PDZRN3: variants seen among roughly 807,000 people sequenced by gnomAD.
PDZRN3 encodes the protein E3 ubiquitin-protein ligase PDZRN3.
PDZRN3 carries 38 observed loss-of-function variants against 85.7 expected under a neutral mutation model. That is an observed-to-expected ratio of 0.44 (90% CI 0.34 to 0.58). The LOEUF is 0.58. Ranked by LOEUF, PDZRN3 falls within the 20% of genes least tolerant of loss-of-function variation. The pLI is 0.01. For synonymous variants in PDZRN3, 759 were observed against 638.0 expected (o/e 1.19, Z -2.86); for missense variants, 1,629 against 1,506.4 (o/e 1.08, Z -1.35).
At chr3:73,492,178 C>T (rs1171335519) in intron 3 of PDZRN3, among the ~76,000 whole-genome samples, 1 of 152,224 alleles carries the variant, frequency 6.6e-6, no homozygotes, top group East Asian at 1.9e-4. Flanking sequence ...CAAGGGGCCT[C>T]TGAAATTTCT....
chr3:73,536,589 G>T (rs1270646359), intron 3 of PDZRN3, among the ~76,000 whole-genome samples: 1 of 152,210 alleles, frequency 6.6e-6, no homozygotes, highest in Admixed American at 6.5e-5. Context: ...CTAATCTGGA[G>T]CATTGAGAAC....
intron 3 of PDZRN3, among the ~76,000 whole-genome samples, chr3:73,581,392 G>C (rs915769040): frequency 1.3e-5 from 2 of 152,130 alleles, no homozygotes; most frequent in Non-Finnish European, 2.9e-5. Context: ...GTGTGGGTGT[G>C]AACGCATGAT....
chr3:73,408,975 A>G (rs1302222789), intron 3 of PDZRN3, among the ~76,000 whole-genome samples: 1 of 152,218 alleles, frequency 6.6e-6, no homozygotes, highest in Non-Finnish European at 1.5e-5. Flanking sequence ...ATTCAATATC[A>G]TTAACTTGCC....
At chr3:73,548,255 C>A (rs962555228) in intron 3 of PDZRN3, among the ~76,000 whole-genome samples, 5 of 152,164 alleles carry the variant, frequency 3.3e-5, no homozygotes, top group African/African-American at 9.7e-5. Context: ...GGGTCTGTGG[C>A]TTTCTCTGAT....
intron 3 of PDZRN3, among the ~76,000 whole-genome samples, chr3:73,552,401 CTG>C (rs1176992340): frequency 6.6e-6 from 1 of 152,160 alleles, no homozygotes; most frequent in Non-Finnish European, 1.5e-5. Context: ...TGGATAATAA[CTG>C]GACTAAGCAG....
chr3:73,389,727 T>C (rs2106688152), intron 7 of PDZRN3, 89 bp downstream of exon 7: 3 of 946,132 alleles, frequency 3.2e-6, no homozygotes, highest in Non-Finnish European at 3.5e-6. Context: ...TAACCGCTTC[T>C]GCATTTTCAA....
At chr3:73,572,180 C>A (rs1200853478) in intron 3 of PDZRN3, among the ~76,000 whole-genome samples, 1 of 152,136 alleles carries the variant, frequency 6.6e-6, no homozygotes, top group African/African-American at 2.4e-5. Flanking sequence ...TAAAAATAAA[C>A]CATTAAATCC....
intron 7 of PDZRN3, among the ~76,000 whole-genome samples, chr3:73,388,747 C>T (rs1701453542): frequency 6.6e-6 from 1 of 151,738 alleles, no homozygotes; most frequent in African/African-American, 2.4e-5. Flanking sequence ...ACTAGTGAGC[C>T]AACAGGCAGC....
At chr3:73,421,658 A>AT (rs960165517) in intron 3 of PDZRN3, among the ~76,000 whole-genome samples, 34 of 151,794 alleles carry the variant, frequency 2.2e-4, no homozygotes, top group Non-Finnish European at 4.3e-4. Flanking sequence ...AACTACTTCA[A>AT]TTTTTTTTGA....
chr3:73,521,848 T>C (rs972798778), intron 3 of PDZRN3, among the ~76,000 whole-genome samples: 1 of 152,120 alleles, frequency 6.6e-6, no homozygotes, highest in Non-Finnish European at 1.5e-5. Flanking sequence ...CCTGTTGTCA[T>C]GGGGAAGGAC....
chr3:73,566,817 T>A lies in PDZRN3; in HGVS notation c.918+35537A>T, dbSNP rs1057105958. The stretch of plus-strand genomic sequence containing the variant: ...AAGAAAACGGTGTCTTGCTGGTGTC[T>A]CTGGAGACTGTCATGCCGAGATGCA... On this transcript the variant is annotated intron_variant, in intron 3 of 9. Coordinates refer to ENST00000263666, the MANE Select transcript of PDZRN3 (RefSeq NM_015009.3). Among the ~76,000 whole-genome samples the A allele has an allele frequency of 8.5e-5, 13 of 152,150 alleles. 1 individual carries two copies. The highest frequency in any genetic ancestry group is 1.6e-4 in the Non-Finnish European group (11 of 68,034).
chr3:73,531,733 A>G (rs1482415584), intron 3 of PDZRN3, among the ~76,000 whole-genome samples: 3 of 152,172 alleles, frequency 2.0e-5, no homozygotes, highest in African/African-American at 7.2e-5. Flanking sequence ...ACACACAGAA[A>G]ATACACACAT....
chr3:73,603,601 G>A (rs774385317), intron 2 of PDZRN3, among the ~76,000 whole-genome samples: 1 of 152,098 alleles, frequency 6.6e-6, no homozygotes, highest in Admixed American at 6.5e-5. Context: ...ATTCCTTGCC[G>A]TATGTCATTA....
At position 73,537,786 on chromosome 3, in the gene PDZRN3, AT is replaced by A. The variant is rs11387585; in HGVS notation, c.918+64567del. On this transcript the variant is annotated intron_variant, in intron 3 of 9. Coordinates refer to ENST00000263666, the MANE Select transcript of PDZRN3 (RefSeq NM_015009.3). Reference sequence around the variant, plus strand: ...AGGCCTGCGCCACCACACCCGGCTAATTTTTTTTTTTTTTTTTTAAGTAAAG... The same window carrying A: ...AGGCCTGCGCCACCACACCCGGCTAATTTTTTTTTTTTTTTTTAAGTAAAG... 7.3e-3 allele frequency among the ~76,000 whole-genome samples: 999 copies of A among 137,176 alleles called. 9 individuals carry two copies. Among genetic ancestry groups the A allele is most frequent in the African/African-American group, 0.017 (616 of 36,696 alleles). 90.0% of individuals were successfully genotyped at this position (137,176 alleles called of 152,430 possible).
intron 3 of PDZRN3, among the ~76,000 whole-genome samples, chr3:73,413,458 CAT>C (rs1332903287): frequency 9.9e-5 from 15 of 152,188 alleles, no homozygotes; most frequent in African/African-American, 3.4e-4. Context: ...GCTTCACACA[CAT>C]GATTTCATCC....
intron 1 of PDZRN3, 189 bp downstream of exon 1, chr3:73,623,912 CCA>C (rs995958167): frequency 1.6e-5 from 8 of 509,878 alleles, no homozygotes; most frequent in African/African-American, 8.1e-5. Flanking sequence ...CTATAAAGGA[CCA>C]CAGTGTTCCA....
intron 3 of PDZRN3, among the ~76,000 whole-genome samples, chr3:73,531,380 G>A (rs544732389): frequency 6.6e-6 from 1 of 151,924 alleles, no homozygotes; most frequent in East Asian, 1.9e-4. Flanking sequence ...TCAGTCATGT[G>A]TCCTATTCTA....
intron 3 of PDZRN3, among the ~76,000 whole-genome samples, chr3:73,412,190 G>A (rs1043438474): frequency 3.3e-5 from 5 of 152,206 alleles, no homozygotes; most frequent in Non-Finnish European, 7.3e-5. Flanking sequence ...ATTGAAGGAG[G>A]AAGGTGTGGT....
chr3:73,541,050 A>C (rs1170646668), intron 3 of PDZRN3, among the ~76,000 whole-genome samples: 1 of 152,190 alleles, frequency 6.6e-6, no homozygotes, highest in Non-Finnish European at 1.5e-5. Context: ...GGGTCCTGGG[A>C]ACTTGTGGAA....
Sources: gnomAD v4.1 joint callset for allele counts (sites outside exome capture counted in the v4.1 genomes callset) on GRCh38, gnomAD v4.1.1 for gene constraint, MANE v1.5 for transcripts, NCBI Gene and HGNC (gene_info 2026-07-23, HGNC 2026-07-21) for gene names.